The following SCG3 variants were observed in gnomAD, a reference collection of about 807,000 sequenced individuals.
The protein encoded by SCG3 is secretogranin-3.
Under a neutral mutation model 56.2 loss-of-function variants are expected in SCG3, and 38 were observed. The observed-to-expected ratio is 0.68, with a 90% CI of 0.52 to 0.89. The LOEUF (loss-of-function observed/expected upper bound fraction) is 0.89, where lower values mean the gene tolerates loss of function less well. SCG3 is among the 40% of genes least tolerant of loss of function. The pLI is 0.00. For synonymous variants in SCG3, 176 were observed against 184.2 expected, an observed-to-expected ratio of 0.96 and a Z score of 0.36; for missense variants, 524 against 540.7, an observed-to-expected ratio of 0.97 and a Z score of 0.31.
At chr15:51,692,833 G>GT (rs1271341132) in intron 7 of SCG3, among the ~76,000 whole-genome samples, 1 of 152,068 alleles carries the variant, frequency 6.6e-6, no homozygotes, top group African/African-American at 2.4e-5. Flanking sequence ...TCTAACTAGT[G>GT]TATCTATCAC....
chr15:51,715,171 C>T (rs2055445596), intron 11 of SCG3: 1 of 152,188 alleles, frequency 6.6e-6, no homozygotes, highest in Non-Finnish European at 1.5e-5. Flanking sequence ...AATGACCAAC[C>T]TGGTGAAGCA....
At chr15:51,688,753 T>C (rs1197792948) in intron 5 of SCG3, among the ~76,000 whole-genome samples, 1 of 152,146 alleles carries the variant, frequency 6.6e-6, no homozygotes, top group Non-Finnish European at 1.5e-5. Flanking sequence ...AAAAGACATG[T>C]ATGTGACAAA....
intron 11 of SCG3, among the ~76,000 whole-genome samples, chr15:51,716,608 G>T (rs2055457688): frequency 6.6e-6 from 1 of 152,058 alleles, no homozygotes; most frequent in Non-Finnish European, 1.5e-5. Context: ...CCATGAGTGT[G>T]GAAAAAGCAA....
intron 11 of SCG3, among the ~76,000 whole-genome samples, chr15:51,713,942 T>C (rs1165922071): frequency 6.6e-6 from 1 of 152,146 alleles, no homozygotes; most frequent in South Asian, 2.1e-4. Flanking sequence ...ATGTCATGGA[T>C]AGGTGTGTTA....
Position 51,719,716 on chromosome 15 carries a change from TG to T in SCG3, c.*191del, listed in dbSNP as rs1263816555. 1.8e-6 allele frequency: 1 copy of T among 560,412 alleles called. No individual in the cohort carries two copies. Among genetic ancestry groups the T allele is most frequent in the African/African-American group, 1.9e-5 (1 of 52,986 alleles). The allele number at this position is 560,412 out of a possible 1,614,324, so 34.7% of individuals were successfully genotyped here. ...CGTAAAAACTATCTGAAAGTAAAGT[TG>T]TATGTAAGCTGAGATTTTGTATACA... On this transcript the variant is annotated 3_prime_UTR_variant, in exon 12 of 12. Coordinates refer to ENST00000220478, the MANE Select transcript of SCG3 (RefSeq NM_013243.4).
intron 8 of SCG3, among the ~76,000 whole-genome samples, chr15:51,699,077 A>C (rs1188329941): frequency 6.6e-6 from 1 of 152,212 alleles, no homozygotes; most frequent in Admixed American, 6.5e-5. Context: ...ACAGAGATGC[A>C]GAAGCGACTT....
At chr15:51,683,048 A>T in intron 2 of SCG3, 31 bp from the exon 3 acceptor site, 1 of 1,586,036 alleles carries the variant, frequency 6.3e-7, no homozygotes, top group Non-Finnish European at 8.6e-7. Context: ...CAATGATTTT[A>T]AACCAAGTCT....
intron 7 of SCG3, chr15:51,693,135 A>T (rs908163216): frequency 1.3e-5 from 2 of 152,208 alleles, no homozygotes; most frequent in East Asian, 3.9e-4. Context: ...GAGATCATAC[A>T]GTATTTGTCT....
intron 4 of SCG3, among the ~76,000 whole-genome samples, chr15:51,687,939 C>T (rs1002021302): frequency 6.6e-6 from 1 of 152,154 alleles, no homozygotes; most frequent in South Asian, 2.1e-4. Context: ...ATAAATATGG[C>T]ATACTATGTT....
intron 9 of SCG3, among the ~76,000 whole-genome samples, chr15:51,700,524 G>C (rs1375843533): frequency 6.6e-6 from 1 of 152,202 alleles, no homozygotes; most frequent in Non-Finnish European, 1.5e-5. Flanking sequence ...GATAGCAAGA[G>C]TTCAAGTCTC....
At chr15:51,718,976 G>A (rs547296393) in intron 11 of SCG3, among the ~76,000 whole-genome samples, 27 of 152,174 alleles carry the variant, frequency 1.8e-4, no homozygotes, top group African/African-American at 6.3e-4. Context: ...ACTTAACCCC[G>A]AAGTGTGGTT....
chr15:51,700,191 A>G (rs1002338019), intron 9 of SCG3, among the ~76,000 whole-genome samples: 1 of 152,196 alleles, frequency 6.6e-6, no homozygotes, highest in African/African-American at 2.4e-5. Context: ...TAATGACACA[A>G]GCGAAGAACA....
At chr15:51,707,586 T>A (rs2055384500) in intron 10 of SCG3, among the ~76,000 whole-genome samples, 1 of 152,202 alleles carries the variant, frequency 6.6e-6, no homozygotes, top group African/African-American at 2.4e-5. Flanking sequence ...CACCCCTTGA[T>A]TTACAAATCA....
intron 11 of SCG3, among the ~76,000 whole-genome samples, chr15:51,717,254 G>C (rs2055462894): frequency 6.6e-6 from 1 of 152,052 alleles, no homozygotes; most frequent in South Asian, 2.1e-4. Flanking sequence ...TGTAGTCCCA[G>C]CTGCTCAGGA....
At chr15:51,712,581 C>A (rs1244966613) in intron 10 of SCG3, among the ~76,000 whole-genome samples, 3 of 152,170 alleles carry the variant, frequency 2.0e-5, no homozygotes, top group Non-Finnish European at 1.5e-5. Context: ...TTAGCCTACT[C>A]ACTTCGCCTC....
At chr15:51,682,632 A>G (rs960211136) in intron 2 of SCG3, 63 bp downstream of exon 2, 34 of 956,902 alleles carry the variant, frequency 3.6e-5, no homozygotes, top group Non-Finnish European at 4.4e-5. Flanking sequence ...TATTTAATGT[A>G]ATTATGCTGT....
At chr15:51,710,194 G>A (rs2055411703) in intron 10 of SCG3, among the ~76,000 whole-genome samples, 1 of 152,050 alleles carries the variant, frequency 6.6e-6, no homozygotes, top group African/African-American at 2.4e-5. Flanking sequence ...CTTGTTCTAG[G>A]CAGAGGGTAC....
chr15:51,688,180 A>T (rs1357709280), intron 4 of SCG3, 80 bp from the exon 5 acceptor site: 2 of 1,309,792 alleles, frequency 1.5e-6, no homozygotes, highest in East Asian at 2.4e-5. Flanking sequence ...ACAAAAGCGA[A>T]GTACAGATTA....
intron 11 of SCG3, among the ~76,000 whole-genome samples, chr15:51,717,978 T>C (rs2055469124): frequency 6.6e-6 from 1 of 152,074 alleles, no homozygotes; most frequent in Non-Finnish European, 1.5e-5. Flanking sequence ...GGATCAAGGG[T>C]GTTATGACCC....
Sources: allele counts gnomAD v4.1 joint callset (sites outside exome capture counted in the v4.1 genomes callset), GRCh38; gene constraint gnomAD v4.1.1; transcripts MANE v1.5; gene names NCBI Gene and HGNC (gene_info 2026-07-23, HGNC 2026-07-21).